MTMR7: variants seen among roughly 807,000 people sequenced by gnomAD.
The protein encoded by MTMR7 is myotubularin related protein 7.
In MTMR7, 76 loss-of-function variants were observed where a neutral mutation model predicts 81.2. That is an observed-to-expected ratio of 0.94 (90% confidence interval 0.78 to 1.13). MTMR7 has a LOEUF of 1.13. Among genes scored for constraint, MTMR7 ranks in the 50% most tolerant of loss-of-function variants. MTMR7 has a pLI of 0.00. For synonymous variants in MTMR7, 372 were observed against 289.8 expected (o/e 1.28, Z -2.88); for missense variants, 1,044 against 820.0 (o/e 1.27, Z -3.34).
chr8:17,354,345 T>C (rs1254145847), intron 4 of MTMR7, among the ~76,000 whole-genome samples: 3 of 152,164 alleles, frequency 2.0e-5, no homozygotes, highest in Non-Finnish European at 4.4e-5. Context: ...CTGGTTTGGG[T>C]TGTATTTTAT....
At chr8:17,371,287 G>C (rs1343995079) in intron 2 of MTMR7, 88 bp from the exon 3 acceptor site, 1 of 1,425,758 alleles carries the variant, frequency 7.0e-7, no homozygotes, top group Admixed American at 2.0e-5. Context: ...CTCAAAGAAA[G>C]ACAAGAAACG....
At chr8:17,381,282 G>A (rs907175995) in intron 1 of MTMR7, among the ~76,000 whole-genome samples, 13 of 151,968 alleles carry the variant, frequency 8.6e-5, no homozygotes, top group Admixed American at 6.6e-4. Flanking sequence ...CCCCACCACC[G>A]CACTTCCAGG....
intron 7 of MTMR7, among the ~76,000 whole-genome samples, chr8:17,313,790 A>T (rs1817916363): frequency 6.6e-6 from 1 of 152,218 alleles, no homozygotes; most frequent in Admixed American, 6.5e-5. Context: ...CATATAACTA[A>T]GTGTAGCACC....
At chr8:17,346,148 T>G (rs1819544486) in intron 5 of MTMR7, 1 of 152,206 alleles carries the variant, frequency 6.6e-6, no homozygotes, top group African/African-American at 2.4e-5. Flanking sequence ...ATACTTCCCT[T>G]TAGGAAAAGC....
At chr8:17,324,095 C>T (rs1360011061) in intron 7 of MTMR7, among the ~76,000 whole-genome samples, 1 of 152,164 alleles carries the variant, frequency 6.6e-6, no homozygotes, top group African/African-American at 2.4e-5. Flanking sequence ...ATGTGACTTA[C>T]CCAGGGAAGG....
At chr8:17,393,001 G>A (rs546487672) in intron 1 of MTMR7, among the ~76,000 whole-genome samples, 3 of 152,222 alleles carry the variant, frequency 2.0e-5, no homozygotes, top group East Asian at 1.9e-4. Context: ...CAAGCTATAC[G>A]TGAGAAAACC....
In MTMR7 at chr8:17,299,880, G is replaced by C; in HGVS notation, c.1965C>G (p.Ala655=). 1 of 1,614,018 alleles carries C rather than the reference G, an allele frequency of 6.2e-7. No individual in the cohort carries two copies. Among genetic ancestry groups the C allele is most frequent in the Non-Finnish European group, 8.5e-7 (1 of 1,179,950 alleles). The change falls in exon 14 of 14, where the codon GCC becomes GCG. Residue 655 remains alanine (A), a synonymous_variant. Transcript: ENST00000180173. ...GGAAACTTCAGGCAGTGAGAAACAC[G>C]GCTTCATCAGAATCCCGGTCCTTGC... ...DSGKDRDSDE[A]VFLTA is the part of the protein sequence containing the mutation.
At chr8:17,331,084 C>T (rs773156540) in intron 7 of MTMR7, 66 bp downstream of exon 7, 2 of 1,546,540 alleles carry the variant, frequency 1.3e-6, no homozygotes, top group Non-Finnish European at 1.7e-6. Flanking sequence ...TCAAGACTAT[C>T]TTATTCCCTT....
At chr8:17,312,966 A>G (rs1817875343) in intron 8 of MTMR7, among the ~76,000 whole-genome samples, 1 of 152,212 alleles carries the variant, frequency 6.6e-6, no homozygotes, top group South Asian at 2.1e-4. Flanking sequence ...ACTGGATGTA[A>G]GCCCCAAGCC....
intron 1 of MTMR7, among the ~76,000 whole-genome samples, chr8:17,386,021 A>G (rs1820928881): frequency 6.6e-6 from 1 of 152,168 alleles, no homozygotes; most frequent in Non-Finnish European, 1.5e-5. Context: ...CTTTTAATTT[A>G]ATTAATTAAA....
At position 17,341,502 on chromosome 8, in the gene MTMR7, G is replaced by A. The variant is rs368290389; in HGVS notation, c.598-5C>T. On this transcript the variant is annotated splice_polypyrimidine_tract_variant and splice_region_variant and intron_variant, in intron 5 of 13. Coordinates refer to ENST00000180173, the MANE Select transcript of MTMR7 (RefSeq NM_004686.5). ...GCTGCTCCGGCAGATGGAGGCCTAG[G>A]GGGAGAGGTCACAGCAACACAGCAC... 2.5e-6 allele frequency: 4 copies of A among 1,613,268 alleles called. No individual in the cohort carries two copies. In the Admixed American group the frequency reaches 6.7e-5, roughly 27 times the overall value.
In MTMR7 at chr8:17,305,889, C is replaced by A; in HGVS notation, c.1220G>T (p.Trp407Leu). Residue 407 changes from tryptophan (W) to leucine (L), a missense_variant, in exon 11 of 14, where the codon TGG becomes TTG. Trp to Leu is a moderately conservative substitution (Grantham distance 61). Transcript: ENST00000180173. ...ACAGGGAAATTGTTCCATTAACTGC[C>A]AAACACACTCAATGAACTGGTCAAT... Reference protein sequence around the residue: ...PVIDQFIECVWQLMEQFPCAF... With the variant: ...PVIDQFIECVLQLMEQFPCAF... 6.2e-7 allele frequency: 1 copy of A among 1,613,706 alleles called. No individual in the cohort carries two copies. The highest frequency in any genetic ancestry group is 8.5e-7 in the Non-Finnish European group (1 of 1,179,710).
rs1394119633 is a variant in MTMR7, at chr8:17,298,066, G to GACAT, written c.*1792_*1795dup. Reference sequence around the variant, plus strand: ...TTAAAAAATGTTTATTGTTTTTATAGACATACACTGTCAAACGGAAGAAAT... The same window carrying GACAT: ...TTAAAAAATGTTTATTGTTTTTATAGACATACATACACTGTCAAACGGAAGAAAT... On this transcript the variant is annotated 3_prime_UTR_variant, in exon 14 of 14. Transcript: ENST00000180173. 6.6e-5 allele frequency: 10 copies of GACAT among 152,010 alleles called. No homozygotes were observed. In the East Asian group the frequency reaches 7.7e-4, roughly 12 times the overall value. The allele number at this position is 152,010 out of a possible 1,614,324, so 9.4% of individuals were successfully genotyped here.
At position 17,311,628 on chromosome 8, in the gene MTMR7, T is replaced by C; in HGVS notation, c.984A>G (p.Ser328=). 6.2e-7 allele frequency: 1 copy of C among 1,614,054 alleles called. No individual in the cohort carries two copies. The highest frequency in any genetic ancestry group is 8.5e-7 in the Non-Finnish European group (1 of 1,180,014). ...GAACAAGCACACTTGCCCCTTCCTC[T>C]GACACTGCCTAGAAAACACACGATC... ...DAGIFIAKAV[S]EEGASVLVHC... is the part of the protein sequence containing the mutation. Residue 328 remains serine, a synonymous_variant, in exon 9 of 14, where the codon TCA becomes TCG. Transcript: ENST00000180173.
rs140431640 is a variant in MTMR7, at chr8:17,335,240, G to A, written c.733-3958C>T. Among the ~76,000 whole-genome samples, 401 of 152,258 alleles carry A rather than the reference G, an allele frequency of 2.6e-3. 3 individuals carry two copies. The highest frequency in any genetic ancestry group is 4.8e-3 in the Non-Finnish European group (324 of 68,018). ...GCAGGCTCCACGAGGGGCCCTGAGT[G>A]TCTCATTGATGGCCACATCCGTATC... On this transcript the variant is annotated intron_variant, in intron 6 of 13. Transcript: ENST00000180173.
intron 1 of MTMR7, among the ~76,000 whole-genome samples, chr8:17,377,185 T>C (rs778884788): frequency 3.9e-5 from 6 of 152,152 alleles, no homozygotes; most frequent in African/African-American, 7.2e-5. Flanking sequence ...ATACAAAGTA[T>C]TTATTAGTTG....
intron 7 of MTMR7, among the ~76,000 whole-genome samples, chr8:17,313,984 G>C (rs1307427434): frequency 6.6e-6 from 1 of 152,148 alleles, no homozygotes; most frequent in African/African-American, 2.4e-5. Flanking sequence ...TCCAATTCTA[G>C]AGCATCAGGG....
rs530862274 is a variant in MTMR7 at position 17,331,042 on chromosome 8, A to C, written c.865+108T>G. On this transcript the variant is annotated intron_variant, in intron 7 of 13. Transcript: ENST00000180173. The stretch of plus-strand genomic sequence containing the variant: ...CCACTGTAACATGATATTCTTCCCA[A>C]ATTATCACACCTATGTAAAAACATT... 7.5e-6 allele frequency: 10 copies of C among 1,331,162 alleles called. No homozygotes were observed. The African/African-American group carries it at 1.3e-4, about 18-fold the overall frequency. 82.5% of individuals were successfully genotyped at this position (1,331,162 alleles called of 1,614,324 possible). A position where few individuals can be genotyped will look rare whatever the true frequency, so the allele number is the denominator to read the frequency against.
At chr8:17,358,424 G>A (rs1162408466) in intron 4 of MTMR7, among the ~76,000 whole-genome samples, 2 of 152,086 alleles carry the variant, frequency 1.3e-5, no homozygotes, top group Non-Finnish European at 2.9e-5. Flanking sequence ...TAGGACTTAA[G>A]GAGAAAATGT....
Sources: gnomAD v4.1 joint callset for allele counts (sites outside exome capture counted in the v4.1 genomes callset) on GRCh38, gnomAD v4.1.1 for gene constraint, MANE v1.5 for transcripts, NCBI Gene and HGNC (gene_info 2026-07-23, HGNC 2026-07-21) for gene names.